The following CADM1 variants were observed in gnomAD, a reference collection of about 807,000 sequenced individuals.
CADM1 encodes the protein TSLC-1.
A neutral mutation model predicts 53.1 loss-of-function variants in CADM1; 15 were observed. The ratio of observed to expected loss-of-function variants is 0.28; its 90% CI spans 0.19 to 0.44. The LOEUF (loss-of-function observed/expected upper bound fraction) is 0.44, where lower values mean the gene tolerates loss of function less well. Among genes scored for constraint, CADM1 ranks in the 20% least tolerant of loss-of-function variants. The pLI, the probability that CADM1 is intolerant of heterozygous loss-of-function variation, is 1.00. For missense variants in CADM1, 434 were observed against 611.3 expected, an observed-to-expected ratio of 0.71 and a Z score of 3.06; for synonymous variants, 281 against 243.0, an observed-to-expected ratio of 1.16 and a Z score of -1.45.
intron 4 of CADM1, among the ~76,000 whole-genome samples, chr11:115,229,872 A>G (rs1204277819): frequency 2.6e-5 from 4 of 152,210 alleles, no homozygotes; most frequent in Admixed American, 2.6e-4. Flanking sequence ...GAAGACCTCA[A>G]AAATGCAGTG....
intron 1 of CADM1, among the ~76,000 whole-genome samples, chr11:115,343,496 T>C (rs577227590): frequency 3.9e-5 from 6 of 152,220 alleles, no homozygotes; most frequent in South Asian, 2.1e-4. Context: ...GGTTAACTTA[T>C]ACAGTCTCTT....
intron 1 of CADM1, among the ~76,000 whole-genome samples, chr11:115,278,448 T>C (rs1026345320): frequency 6.6e-6 from 1 of 152,164 alleles, no homozygotes; most frequent in African/African-American, 2.4e-5. Flanking sequence ...TATGAATATT[T>C]CAGAAAGGAC....
intron 1 of CADM1, among the ~76,000 whole-genome samples, chr11:115,450,787 C>T (rs1948554377): frequency 6.6e-6 from 1 of 152,178 alleles, no homozygotes; most frequent in Non-Finnish European, 1.5e-5. Flanking sequence ...AGTTCAGAAA[C>T]ATTTCTCAAA....
chr11:115,337,428 G>A (rs1035379545), intron 1 of CADM1, among the ~76,000 whole-genome samples: 1 of 152,054 alleles, frequency 6.6e-6, no homozygotes, highest in Admixed American at 6.6e-5. Flanking sequence ...ACTTGCTCAT[G>A]GTTTCTCTTA....
chr11:115,290,571 G>C (rs1317576906), intron 1 of CADM1, among the ~76,000 whole-genome samples: 1 of 152,162 alleles, frequency 6.6e-6, no homozygotes, highest in Non-Finnish European at 1.5e-5. Flanking sequence ...TTATTATCAG[G>C]TAGGAATATC....
At chr11:115,198,581 A>T (rs1459758087) in intron 8 of CADM1, 143 bp from the exon 9 acceptor site, 2 of 677,426 alleles carry the variant, frequency 3.0e-6, no homozygotes, top group Non-Finnish European at 5.3e-6. Flanking sequence ...TAATAAATGA[A>T]AAGCAAAAAG....
At position 115,174,653 on chromosome 11, in the gene CADM1, A is replaced by G. The variant is rs540237298; in HGVS notation, c.*1821T>C. ...AGTTGACACTTTTTCCCCCTTAAAT[A>G]AATCAGCATAAGTTTTCCACATAAT... On this transcript the variant is annotated 3_prime_UTR_variant, in exon 12 of 12. Transcript: ENST00000331581. 16 of 984,194 alleles carry G rather than the reference A, an allele frequency of 1.6e-5. No homozygotes were observed. In the South Asian group the frequency reaches 7.5e-4, roughly 46 times the overall value. The allele number at this position is 984,194 out of a possible 1,614,324, so 61.0% of individuals were successfully genotyped here. A position where few individuals can be genotyped will look rare whatever the true frequency, so the allele number is the denominator to read the frequency against.
intron 1 of CADM1, among the ~76,000 whole-genome samples, chr11:115,345,074 G>T (rs886181340): frequency 1.3e-5 from 2 of 152,132 alleles, no homozygotes; most frequent in African/African-American, 4.8e-5. Flanking sequence ...CATCTGGGCT[G>T]CAACAGGCCT....
Position 115,352,593 on chromosome 11 carries a change from C to T in CADM1, c.125-112173G>A, listed in dbSNP as rs149955121. On this transcript the variant is annotated intron_variant, in intron 1 of 11. Coordinates refer to ENST00000331581, the MANE Select transcript of CADM1 (RefSeq NM_001301043.2). ...GAGCAAAGTAAATTCCTTTCTCTTC[C>T]ATATTCAAAGAATATGTGTTTCTTA... Among the ~76,000 whole-genome samples, 8 of 152,192 alleles carry T rather than the reference C, an allele frequency of 5.3e-5. No individual in the cohort carries two copies. The East Asian group carries it at 1.5e-3, about 29-fold the overall frequency.
chr11:115,235,163 T>G (rs1336340863), intron 3 of CADM1, among the ~76,000 whole-genome samples: 1 of 148,934 alleles, frequency 6.7e-6, no homozygotes, highest in African/African-American at 2.5e-5. Context: ...AAGCTGACTT[T>G]GCTCAGTTTT....
At position 115,172,195 on chromosome 11, in the gene CADM1, AGT is replaced by A. The variant is rs1938812099; in HGVS notation, c.*4277_*4278del. The A allele has an allele frequency of 6.6e-6, 1 of 152,194 alleles. No homozygotes were observed. Among genetic ancestry groups the A allele is most frequent in the Non-Finnish European group, 1.5e-5 (1 of 68,086 alleles). The allele number at this position is 152,194 out of a possible 1,614,324, so 9.4% of individuals were successfully genotyped here. A position where few individuals can be genotyped will look rare whatever the true frequency, so the allele number is the denominator to read the frequency against. The stretch of plus-strand genomic sequence containing the variant: ...ATCTGAATGCAGGCAGCCTCTCTCT[AGT>A]GTGTGCTTTTGATCCTTATTCTATC... On this transcript the variant is annotated 3_prime_UTR_variant, in exon 12 of 12. Transcript: ENST00000331581.
intron 1 of CADM1, among the ~76,000 whole-genome samples, chr11:115,492,746 T>C (rs758296689): frequency 6.6e-6 from 1 of 152,162 alleles, no homozygotes; most frequent in South Asian, 2.1e-4. Context: ...AAATAAGGAA[T>C]GGGAGATGGA....
intron 8 of CADM1, among the ~76,000 whole-genome samples, chr11:115,209,326 A>G (rs1294954799): frequency 3.3e-5 from 5 of 152,222 alleles, no homozygotes; most frequent in Non-Finnish European, 4.4e-5. Flanking sequence ...TGCTTTCAAT[A>G]GTGATGCTTA....
At chr11:115,191,036 G>C in intron 9 of CADM1, 95 bp from the exon 10 acceptor site, 1 of 988,590 alleles carries the variant, frequency 1.0e-6, no homozygotes, top group Non-Finnish European at 1.5e-6. Flanking sequence ...AAAAACATGA[G>C]CCAAATCTCT....
intron 1 of CADM1, among the ~76,000 whole-genome samples, chr11:115,428,256 T>C (rs2135288198): frequency 6.6e-6 from 1 of 152,262 alleles, no homozygotes; most frequent in Middle Eastern, 3.4e-3. Context: ...TATCTAGATA[T>C]TTATGGGTTC....
At chr11:115,316,484 T>C (rs1944669806) in intron 1 of CADM1, among the ~76,000 whole-genome samples, 1 of 152,150 alleles carries the variant, frequency 6.6e-6, no homozygotes, top group Non-Finnish European at 1.5e-5. Flanking sequence ...CGAGGCGGAA[T>C]TCCGATCCTT....
intron 1 of CADM1, among the ~76,000 whole-genome samples, chr11:115,468,125 T>C (rs1461896791): frequency 6.6e-6 from 1 of 152,234 alleles, no homozygotes; most frequent in East Asian, 1.9e-4. Context: ...GTAATGATAA[T>C]TTACAATTTT....
chr11:115,248,345 A>G (rs539389164), intron 1 of CADM1, among the ~76,000 whole-genome samples: 1 of 152,316 alleles, frequency 6.6e-6, no homozygotes. Flanking sequence ...TAAAAGACTG[A>G]GCTCAATATG....
intron 10 of CADM1, among the ~76,000 whole-genome samples, chr11:115,187,823 C>A (rs1939648578): frequency 6.6e-6 from 1 of 152,198 alleles, no homozygotes; most frequent in Non-Finnish European, 1.5e-5. Flanking sequence ...TTCTTCCTAA[C>A]ACCTAGATGA....
Sources: gnomAD v4.1 joint callset for allele counts (sites outside exome capture counted in the v4.1 genomes callset) on GRCh38, gnomAD v4.1.1 for gene constraint, MANE v1.5 for transcripts, NCBI Gene and HGNC (gene_info 2026-07-23, HGNC 2026-07-21) for gene names.